PANK1: variants seen among roughly 807,000 people sequenced by gnomAD.
PANK1 encodes pantothenate kinase 1.
PANK1 carries 18 observed loss-of-function variants against 40.1 expected under a neutral mutation model. The observed-to-expected ratio is 0.45, with a 90% confidence interval of 0.31 to 0.67. The LOEUF (loss-of-function observed/expected upper bound fraction) is 0.67, where lower values mean the gene tolerates loss of function less well. PANK1 is among the 30% of genes least tolerant of loss of function. The pLI is 0.06. For synonymous variants in PANK1, 242 were observed against 237.7 expected, an observed-to-expected ratio of 1.02 and a Z score of -0.17; for missense variants, 457 against 599.6, an observed-to-expected ratio of 0.76 and a Z score of 2.48.
At chr10:89,601,173 A>G (rs1166591253) in intron 2 of PANK1, among the ~76,000 whole-genome samples, 1 of 152,046 alleles carries the variant, frequency 6.6e-6, no homozygotes, top group Admixed American at 6.6e-5. Context: ...CTTCATTATA[A>G]AAGTTAAGAG....
chr10:89,640,147 G>C (rs902536349), intron 1 of PANK1, among the ~76,000 whole-genome samples: 1 of 152,160 alleles, frequency 6.6e-6, no homozygotes, highest in African/African-American at 2.4e-5. Flanking sequence ...GAGAGTAGGA[G>C]TGGGAACTGC....
chr10:89,614,154 C>T (rs959739075), intron 1 of PANK1: 3 of 393,406 alleles, frequency 7.6e-6, no homozygotes, highest in South Asian at 1.9e-5. Flanking sequence ...GCTATGCAAC[C>T]AGTGCTGCAG....
chr10:89,593,909 G>A lies in PANK1; in HGVS notation c.980C>T (p.Ala327Val). The A allele has an allele frequency of 6.2e-7, 1 of 1,613,564 alleles. No homozygotes were observed. The highest frequency in any genetic ancestry group is 1.7e-5 in the Admixed American group (1 of 60,008). ...ETFEEALEMA[A>V]KGDSTNVDKL... ...ATCAACATTGGTGCTGTCGCCTTTA[G>A]CTGCCATTTCCAGAGCTTCTTCAAA... Residue 327 changes from alanine to valine, a missense_variant, in exon 4 of 7, where the codon GCT becomes GTT. Around this residue, in one of 4 missense-constraint regions of PANK1, gnomAD observed 286 missense variants for 415.8 expected, o/e 0.69. Transcript: ENST00000307534.
intron 1 of PANK1, among the ~76,000 whole-genome samples, chr10:89,641,710 C>T (rs965681790): frequency 2.7e-5 from 4 of 149,946 alleles, no homozygotes; most frequent in Non-Finnish European, 4.4e-5. Context: ...CCAGCCTCGG[C>T]GACAGAGCGA....
chr10:89,609,968 A>C (rs1184188029), intron 2 of PANK1, among the ~76,000 whole-genome samples: 1 of 152,166 alleles, frequency 6.6e-6, no homozygotes, highest in Non-Finnish European at 1.5e-5. Flanking sequence ...TCCAGTGGAA[A>C]TGGACAGATA....
downstream of PANK1, chr10:89,582,544 A>T (rs1485361808): frequency 6.6e-5 from 10 of 152,252 alleles, no homozygotes; most frequent in Admixed American, 5.2e-4. Flanking sequence ...CTGCGGAATC[A>T]AGGTCTGCTG....
intron 6 of PANK1, among the ~76,000 whole-genome samples, chr10:89,585,355 G>A (rs1167472097): frequency 6.6e-6 from 1 of 152,212 alleles, no homozygotes; most frequent in Non-Finnish European, 1.5e-5. Context: ...GACATTTGAA[G>A]TTGGTCACGG....
intron 2 of PANK1, among the ~76,000 whole-genome samples, chr10:89,608,183 G>A (rs1325617797): frequency 6.6e-6 from 1 of 151,738 alleles, no homozygotes; most frequent in Non-Finnish European, 1.5e-5. Flanking sequence ...AGGCGCCCGC[G>A]ACCACGCCCG....
chr10:89,632,269 G>GT (rs1841675413), intron 1 of PANK1, among the ~76,000 whole-genome samples: 3 of 152,166 alleles, frequency 2.0e-5, no homozygotes, highest in Non-Finnish European at 4.4e-5. Flanking sequence ...CCATGAGTCT[G>GT]AATTTGGGAA....
intron 1 of PANK1, among the ~76,000 whole-genome samples, chr10:89,636,597 G>T (rs1000316720): frequency 2.6e-5 from 4 of 151,838 alleles, no homozygotes; most frequent in African/African-American, 9.7e-5. Flanking sequence ...GACTACAGGC[G>T]CATGCCACCA....
At chr10:89,584,921 C>T (rs568687861) in intron 6 of PANK1, among the ~76,000 whole-genome samples, 1 of 152,228 alleles carries the variant, frequency 6.6e-6, no homozygotes, top group East Asian at 1.9e-4. Flanking sequence ...TGCAAAGGCA[C>T]TTAAATTAGT....
At chr10:89,590,784 G>A (rs113044327) in intron 5 of PANK1, among the ~76,000 whole-genome samples, 15 of 152,168 alleles carry the variant, frequency 9.9e-5, no homozygotes, top group African/African-American at 2.9e-4. Flanking sequence ...TTCAAGATGC[G>A]TTATTACGTC....
chr10:89,594,292 T>C (rs941614898), intron 3 of PANK1, among the ~76,000 whole-genome samples: 1 of 152,228 alleles, frequency 6.6e-6, no homozygotes, highest in African/African-American at 2.4e-5. Context: ...TTGTTCAGCC[T>C]TCCCACCTAT....
At chr10:89,633,861 C>T (rs1197352078) in intron 1 of PANK1, among the ~76,000 whole-genome samples, 1 of 152,160 alleles carries the variant, frequency 6.6e-6, no homozygotes, top group East Asian at 1.9e-4. Context: ...TTTATGACTA[C>T]CCCAAGAAGT....
At chr10:89,619,313 G>C (rs1322391249) in intron 1 of PANK1, among the ~76,000 whole-genome samples, 1 of 152,068 alleles carries the variant, frequency 6.6e-6, no homozygotes, top group Non-Finnish European at 1.5e-5. Flanking sequence ...GGTCATTTAG[G>C]CTTCCTGCAG....
At chr10:89,618,322 G>C (rs74527700) in intron 1 of PANK1, among the ~76,000 whole-genome samples, 4,188 of 152,262 alleles carry the variant, frequency 0.028, 83 homozygotes, top group Non-Finnish European at 0.043. Context: ...TACAATGTGT[G>C]GGGGGGTGGT....
Position 89,611,765 on chromosome 10 carries a change from G to T in PANK1, c.576C>A (p.Phe192Leu). 1 of 1,614,240 alleles carries T rather than the reference G, an allele frequency of 6.2e-7. No individual in the cohort carries two copies. The highest frequency in any genetic ancestry group is 8.5e-7 in the Non-Finnish European group (1 of 1,180,040). ...RFIQMGSEKN[F>L]SSLHTTLCAT... Reference sequence around the variant, plus strand: ...CACAGAGGGTGGTGTGAAGGCTAGAGAAGTTCTTCTCGCTGCCCATCTGAA... The same window carrying T: ...CACAGAGGGTGGTGTGAAGGCTAGATAAGTTCTTCTCGCTGCCCATCTGAA... Residue 192 changes from phenylalanine (F) to leucine (L), a missense_variant, in exon 2 of 7, where the codon TTC becomes TTA. Around this residue, in one of 4 missense-constraint regions of PANK1, gnomAD observed 286 missense variants for 415.8 expected, o/e 0.69. Coordinates refer to ENST00000307534, the MANE Select transcript of PANK1 (RefSeq NM_148977.3).
chr10:89,638,220 T>C (rs1041442893), intron 1 of PANK1, among the ~76,000 whole-genome samples: 5 of 152,258 alleles, frequency 3.3e-5, no homozygotes, highest in Non-Finnish European at 4.4e-5. Context: ...AGTTCCATTA[T>C]AATCTTATAG....
At chr10:89,641,768 T>TAAAATA (rs377759275) in intron 1 of PANK1, among the ~76,000 whole-genome samples, 3 of 100,870 alleles carry the variant, frequency 3.0e-5, no homozygotes, top group African/African-American at 1.3e-4. Flanking sequence ...AATAAATAAA[T>TAAAATA]AAATAAAATA....
Sources: gnomAD v4.1 joint callset for allele counts (sites outside exome capture counted in the v4.1 genomes callset) on GRCh38, gnomAD v4.1.1 for gene constraint, gnomAD v4.1.1 regional missense constraint, MANE v1.5 for transcripts, NCBI Gene and HGNC (gene_info 2026-07-23, HGNC 2026-07-21) for gene names.